Variants in FAM81B observed in about 807,000 individuals in gnomAD.
FAM81B encodes protein FAM81B.
FAM81B carries 60 observed loss-of-function variants against 58.7 expected under a neutral mutation model. The observed-to-expected ratio is 1.02, with a 90% CI of 0.83 to 1.27. The LOEUF (loss-of-function observed/expected upper bound fraction) is 1.27, where lower values mean the gene tolerates loss of function less well. FAM81B is among the 50% of genes most tolerant of loss of function. FAM81B has a pLI of 0.00. For missense variants in FAM81B, 491 were observed against 522.0 expected (o/e 0.94, Z 0.58); for synonymous variants, 189 against 179.6 (o/e 1.05, Z -0.42).
At chr5:95,414,790 T>G (rs1762495573) in intron 4 of FAM81B, among the ~76,000 whole-genome samples, 1 of 152,204 alleles carries the variant, frequency 6.6e-6, no homozygotes, top group Non-Finnish European at 1.5e-5. Flanking sequence ...AACAGAGGAT[T>G]TGCATGACAT....
intron 3 of FAM81B, among the ~76,000 whole-genome samples, chr5:95,411,558 AT>A (rs1762406275): frequency 6.6e-6 from 1 of 152,216 alleles, no homozygotes; most frequent in African/African-American, 2.4e-5. Context: ...AAGATTCAAA[AT>A]GTATAAATGC....
intron 7 of FAM81B, among the ~76,000 whole-genome samples, chr5:95,442,433 C>T (rs2152770135): frequency 1.3e-5 from 2 of 152,214 alleles, no homozygotes; most frequent in South Asian, 4.2e-4. Context: ...CTTATTTATC[C>T]CTATCTTAAA....
intron 5 of FAM81B, among the ~76,000 whole-genome samples, chr5:95,427,778 C>A (rs546996641): frequency 1.7e-4 from 26 of 152,292 alleles, no homozygotes; most frequent in African/African-American, 5.8e-4. Flanking sequence ...TTCAACCTAT[C>A]CTTCATGCAT....
At chr5:95,425,187 AT>A (rs1447386311) in intron 5 of FAM81B, among the ~76,000 whole-genome samples, 7 of 151,950 alleles carry the variant, frequency 4.6e-5, no homozygotes, top group East Asian at 1.9e-4. Context: ...AAAAAAAAAA[AT>A]CATGCCTATA....
intron 3 of FAM81B, among the ~76,000 whole-genome samples, chr5:95,402,515 A>C (rs1055481727): frequency 7.2e-5 from 11 of 152,360 alleles, no homozygotes; most frequent in Non-Finnish European, 1.3e-4. Context: ...ATCTTTAAAA[A>C]TTTAGGAGAA....
chr5:95,436,960 C>G (rs545586761), intron 7 of FAM81B, 54 bp downstream of exon 7: 94 of 1,386,640 alleles, frequency 6.8e-5, no homozygotes, highest in East Asian at 1.2e-4. Context: ...AGAGTTTTGC[C>G]TAATGAAAGC....
intron 3 of FAM81B, among the ~76,000 whole-genome samples, chr5:95,409,478 A>ATTTTTTTTTTTTTTTTTTTTT (rs1426797475): frequency 3.3e-5 from 5 of 151,518 alleles, no homozygotes; most frequent in Non-Finnish European, 5.9e-5. Context: ...TTTTTAAAGA[A>ATTTTTTTTTTTTTTTTTTTTT]TTTTTCTTAA....
chr5:95,403,724 G>A (rs905214274), intron 3 of FAM81B, among the ~76,000 whole-genome samples: 5 of 152,142 alleles, frequency 3.3e-5, no homozygotes, highest in African/African-American at 4.8e-5. Context: ...AACATTCAGC[G>A]AAGAAGAGGG....
intron 2 of FAM81B, 58 bp from the exon 3 acceptor site, chr5:95,396,051 CAT>C: frequency 7.7e-7 from 1 of 1,301,490 alleles, no homozygotes. Flanking sequence ...AGATAAACTG[CAT>C]AGAAGTAATC....
intron 9 of FAM81B, 32 bp downstream of exon 9, chr5:95,448,496 A>G: frequency 6.4e-7 from 1 of 1,565,470 alleles, no homozygotes; most frequent in Middle Eastern, 1.7e-4. Flanking sequence ...AGTAAAGAAT[A>G]TCTGTCCTTT....
rs1561288376 is a variant in FAM81B at position 95,396,140 on chromosome 5, C to G, written c.258C>G (p.Thr86=). ...KVRLSPAKMS[T]KNSTDLVEYV... Reference sequence around the variant, plus strand: ...GATTATCTCCAGCCAAAATGTCAACCAAGAATTCTACAGATCTAGTTGAAT... The same window carrying G: ...GATTATCTCCAGCCAAAATGTCAACGAAGAATTCTACAGATCTAGTTGAAT... The change falls in exon 3 of 10, where the codon ACC becomes ACG. Residue 86 remains threonine, a synonymous_variant. Coordinates refer to ENST00000283357, the MANE Select transcript of FAM81B (RefSeq NM_152548.3). The G allele has an allele frequency of 6.2e-7, 1 of 1,607,696 alleles. No homozygotes were observed. Among genetic ancestry groups the G allele is most frequent in the Non-Finnish European group, 8.5e-7 (1 of 1,177,754 alleles).
chr5:95,441,631 C>G (rs1480072696), intron 7 of FAM81B, among the ~76,000 whole-genome samples: 2 of 151,904 alleles, frequency 1.3e-5, no homozygotes, highest in Non-Finnish European at 2.9e-5. Flanking sequence ...GTTAAATAGG[C>G]AATCTTCCCA....
At chr5:95,417,900 TA>T (rs1337744748) in intron 4 of FAM81B, among the ~76,000 whole-genome samples, 1 of 152,232 alleles carries the variant, frequency 6.6e-6, no homozygotes, top group Non-Finnish European at 1.5e-5. Context: ...TTTTCTATCT[TA>T]ATTGTATTTA....
intron 3 of FAM81B, among the ~76,000 whole-genome samples, chr5:95,397,932 A>C (rs1028672695): frequency 2.0e-5 from 3 of 152,206 alleles, no homozygotes; most frequent in African/African-American, 7.2e-5. Context: ...TGTACTGAAT[A>C]CACTTGATGA....
At chr5:95,423,702 A>T (rs1762748330) in intron 5 of FAM81B, among the ~76,000 whole-genome samples, 1 of 152,212 alleles carries the variant, frequency 6.6e-6, no homozygotes, top group African/African-American at 2.4e-5. Context: ...TACTTGAGAC[A>T]ACTCAATGCC....
rs142876001 is a variant in FAM81B, at chr5:95,421,012, C to T, written c.656+610C>T. ...TCTCCTGAAATACTCCCATCTCCAT[C>T]TGGTTAATCCTCTCGGAATTAGATA... On this transcript the variant is annotated intron_variant, in intron 5 of 9. Coordinates refer to ENST00000283357, the MANE Select transcript of FAM81B (RefSeq NM_152548.3). Among the ~76,000 whole-genome samples the T allele has an allele frequency of 4.1e-3, 630 of 152,288 alleles. 3 individuals are homozygous for T. The highest frequency in any genetic ancestry group is 0.011 in the South Asian group (51 of 4,826).
At chr5:95,404,414 C>T (rs996734123) in intron 3 of FAM81B, among the ~76,000 whole-genome samples, 1 of 151,632 alleles carries the variant, frequency 6.6e-6, no homozygotes, top group Non-Finnish European at 1.5e-5. Flanking sequence ...CTCAGATTTC[C>T]AGGTGATAGA....
At chr5:95,442,700 G>A (rs1270504897) in intron 7 of FAM81B, among the ~76,000 whole-genome samples, 1 of 152,198 alleles carries the variant, frequency 6.6e-6, no homozygotes, top group Non-Finnish European at 1.5e-5. Context: ...CTTTCTATCA[G>A]AGTGGAGGCA....
intron 7 of FAM81B, among the ~76,000 whole-genome samples, chr5:95,439,499 T>C (rs1437656451): frequency 6.6e-6 from 1 of 151,896 alleles, no homozygotes; most frequent in Admixed American, 6.6e-5. Context: ...GGGATTTTTG[T>C]CATTGTCTTA....
Sources: gnomAD v4.1 joint callset for allele counts (sites outside exome capture counted in the v4.1 genomes callset) on GRCh38, gnomAD v4.1.1 for gene constraint, MANE v1.5 for transcripts, NCBI Gene and HGNC (gene_info 2026-07-23, HGNC 2026-07-21) for gene names.